The following PCDHGB3 variants were observed in gnomAD, a reference collection of about 807,000 sequenced individuals.
PCDHGB3 encodes the protein protocadherin gamma subfamily B, 3, also known as protocadherin gamma-B3.
In PCDHGB3, 40 loss-of-function variants were observed where a neutral mutation model predicts 59.2. The observed-to-expected ratio is 0.68, with a 90% CI of 0.52 to 0.88. PCDHGB3 has a LOEUF of 0.88. Among genes scored for constraint, PCDHGB3 ranks in the 40% least tolerant of loss-of-function variants. PCDHGB3 has a pLI of 0.00. For missense variants in PCDHGB3, 1,309 were observed against 1,187.9 expected (o/e 1.10, Z -1.50); for synonymous variants, 581 against 503.6 (o/e 1.15, Z -2.06).
chr5:141,405,583 T>C (rs868246551), intron 1 of PCDHGB3: 1 of 588,746 alleles, frequency 1.7e-6, no homozygotes. Flanking sequence ...TAGCTGGGAC[T>C]ACAGGCCTCC....
intron 1 of PCDHGB3, chr5:141,419,413 C>A (rs568417008): frequency 6.2e-7 from 1 of 1,613,444 alleles, no homozygotes; most frequent in South Asian, 1.1e-5. Flanking sequence ...TCGCGCAGCG[C>A]GCCTTCGACC....
chr5:141,409,997 G>T, intron 1 of PCDHGB3: 3 of 1,613,224 alleles, frequency 1.9e-6, no homozygotes, highest in Non-Finnish European at 2.5e-6. Flanking sequence ...CGCCGACTCG[G>T]GACACAACGC....
Position 141,429,458 on chromosome 5 carries a change from T to C in PCDHGB3, c.2415+56649T>C, listed in dbSNP as rs561407449. 1.6e-4 allele frequency among the ~76,000 whole-genome samples: 25 copies of C among 152,210 alleles called. 1 individual carries two copies. The South Asian group carries it at 4.6e-3, about 28-fold the overall frequency. ...TCAAACTCTTGGGCTACAGTAATCC[T>C]CCCACCTCAATCTCCAGAGTAGCTG... On this transcript the variant is annotated intron_variant, in intron 1 of 3. Transcript: ENST00000576222.
chr5:141,399,775 G>T, intron 1 of PCDHGB3: 3 of 1,613,282 alleles, frequency 1.9e-6, no homozygotes, highest in Non-Finnish European at 2.5e-6. Context: ...GTTGGTGGGC[G>T]ACCGAAACGA....
At chr5:141,401,656 T>G (rs1400500695) in intron 1 of PCDHGB3, among the ~76,000 whole-genome samples, 1 of 152,248 alleles carries the variant, frequency 6.6e-6, no homozygotes, top group East Asian at 1.9e-4. Context: ...AATGACTGGA[T>G]GTTTTCTCAA....
chr5:141,375,184 C>A (rs757225197), intron 1 of PCDHGB3: 23 of 1,613,856 alleles, frequency 1.4e-5, no homozygotes, highest in Middle Eastern at 1.6e-4. Context: ...CAGTAATCGC[C>A]CTTTTTCAAG....
intron 1 of PCDHGB3, chr5:141,390,040 C>T (rs2092027580): frequency 6.2e-7 from 1 of 1,614,072 alleles, no homozygotes; most frequent in Non-Finnish European, 8.5e-7. Context: ...TCCTCCAGCC[C>T]CGCCTCCTGG....
chr5:141,418,324 G>A, intron 1 of PCDHGB3: 2 of 1,614,006 alleles, frequency 1.2e-6, no homozygotes, highest in Non-Finnish European at 1.7e-6. Context: ...CAATTCTTGA[G>A]TCTGCAGAAG....
At chr5:141,430,206 TTATTA>T (rs1267858049) in intron 1 of PCDHGB3, among the ~76,000 whole-genome samples, 2 of 151,984 alleles carry the variant, frequency 1.3e-5, no homozygotes, top group African/African-American at 4.8e-5. Flanking sequence ...AAAGTTTAAA[TTATTA>T]TATTATATGA....
rs762687404 is a variant in PCDHGB3 at position 141,486,468 on chromosome 5, A to G, written c.2416-8339A>G. Reference sequence around the variant, plus strand: ...ATGGTCACTGCTTCTGATGCTGGGAACCCTCCTCTCAGTACCCACAGAACT... The same window carrying G: ...ATGGTCACTGCTTCTGATGCTGGGAGCCCTCCTCTCAGTACCCACAGAACT... On this transcript the variant is annotated intron_variant, in intron 1 of 3. Transcript: ENST00000576222. This position sits in a 1 kb window ranked among gnomAD's most constrained non-coding sequence, Gnocchi z 5.0. The G allele has an allele frequency of 1.2e-6, 2 of 1,612,906 alleles. No individual in the cohort carries two copies. Among genetic ancestry groups the G allele is most frequent in the Middle Eastern group, 1.6e-4 (1 of 6,062 alleles).
chr5:141,419,604 C>T (rs1279434352), intron 1 of PCDHGB3: 1 of 1,611,850 alleles, frequency 6.2e-7, no homozygotes, highest in East Asian at 2.2e-5. Flanking sequence ...CCGCGGGCCG[C>T]GCAGCCAGGC....
intron 1 of PCDHGB3, chr5:141,408,319 G>T: frequency 6.2e-7 from 1 of 1,613,896 alleles, no homozygotes; most frequent in Non-Finnish European, 8.5e-7. Context: ...CGATTCCGGA[G>T]GAGCTGGCCA....
At position 141,431,516 on chromosome 5, in the gene PCDHGB3, G is replaced by C. The variant is rs941913367; in HGVS notation, c.2415+58707G>C. 3.1e-6 allele frequency: 5 copies of C among 1,613,954 alleles called. No homozygotes were observed. In the African/African-American group the frequency reaches 6.7e-5, roughly 22 times the overall value. On this transcript the variant is annotated intron_variant, in intron 1 of 3. Coordinates refer to ENST00000576222, the MANE Select transcript of PCDHGB3 (RefSeq NM_018924.5). This position sits in a 1 kb window ranked among gnomAD's most constrained non-coding sequence, Gnocchi z 4.8. ...GCCCGAGTACCGCGCGAGCGTTCCG[G>C]AGAATCTGGCCTTGGGCACGCAGCT... is the stretch of plus-strand genomic sequence containing the variant.
rs372018713 is a variant in PCDHGB3, at chr5:141,418,097, C to G, written c.2415+45288C>G. ...GAAGCTGCACTTCAGCGTAGACGCG[C>G]AGAGCGGGGACTTACTTGTGAAGGA... On this transcript the variant is annotated intron_variant, in intron 1 of 3. Coordinates refer to ENST00000576222, the MANE Select transcript of PCDHGB3 (RefSeq NM_018924.5). The G allele has an allele frequency of 5.7e-4, 921 of 1,613,980 alleles. 9 individuals are homozygous for G. The South Asian group carries it at 6.8e-3, about 12-fold the overall frequency.
intron 1 of PCDHGB3, chr5:141,389,726 C>A: frequency 6.2e-7 from 1 of 1,612,720 alleles, no homozygotes; most frequent in South Asian, 1.1e-5. Flanking sequence ...AGCCCGGGCT[C>A]TTCAGCCTGG....
At chr5:141,376,310 G>T in intron 1 of PCDHGB3, 1 of 1,613,946 alleles carries the variant, frequency 6.2e-7, no homozygotes, top group Non-Finnish European at 8.5e-7. Context: ...CTTTGTGGGC[G>T]TGGAAGGGGT....
intron 1 of PCDHGB3, chr5:141,376,645 T>A (rs1174597911): frequency 5.9e-6 from 6 of 1,010,322 alleles, no homozygotes; most frequent in Non-Finnish European, 7.1e-6. Context: ...TTTTGTAAAG[T>A]GGAAGACTCC....
rs189836587 is a variant in PCDHGB3, at chr5:141,376,293, G to A, written c.2415+3484G>A. 14 of 1,614,094 alleles carry A rather than the reference G, an allele frequency of 8.7e-6. No homozygotes were observed. In the Admixed American group the frequency reaches 2.0e-4, roughly 23 times the overall value. On this transcript the variant is annotated intron_variant, in intron 1 of 3. Coordinates refer to ENST00000576222, the MANE Select transcript of PCDHGB3 (RefSeq NM_018924.5). ...GGAGGTGGCTTAGCGAGCATGCCCG[G>A]CTCGCACTTTGTGGGCGTGGAAGGG... is the stretch of plus-strand genomic sequence containing the variant.
At chr5:141,435,390 C>T (rs2097760754) in intron 1 of PCDHGB3, among the ~76,000 whole-genome samples, 1 of 152,052 alleles carries the variant, frequency 6.6e-6, no homozygotes, top group Non-Finnish European at 1.5e-5. Flanking sequence ...ACCGTATTGC[C>T]ATGACGAAAA....
Sources: gnomAD v4.1 joint callset for allele counts (sites outside exome capture counted in the v4.1 genomes callset) on GRCh38, gnomAD v4.1.1 for gene constraint, Gnocchi (gnomAD v3.1) non-coding constraint, MANE v1.5 for transcripts, NCBI Gene and HGNC (gene_info 2026-07-23, HGNC 2026-07-21) for gene names.